ECD: variants seen among roughly 807,000 people sequenced by gnomAD.
The protein encoded by ECD is ecdysoneless cell cycle regulator, also known as protein ecdysoneless homolog.
Under a neutral mutation model 77.2 loss-of-function variants are expected in ECD, and 59 were observed. That is an observed-to-expected ratio of 0.76 (90% CI 0.62 to 0.95). ECD has a LOEUF of 0.95. Among genes scored for constraint, ECD ranks in the 40% least tolerant of loss-of-function variants. The probability of loss-of-function intolerance (pLI) is 0.00; values close to 1 mark genes in which losing one functional copy is unlikely to be tolerated. For missense variants in ECD, 704 were observed against 763.4 expected (o/e 0.92, Z 0.92); for synonymous variants, 233 against 267.4 (o/e 0.87, Z 1.26).
Position 73,134,514 on chromosome 10 carries a change from A to G in ECD, c.*69T>C. The G allele has an allele frequency of 2.9e-6, 4 of 1,392,116 alleles. No individual in the cohort carries two copies. The highest frequency in any genetic ancestry group is 3.9e-6 in the Non-Finnish European group (4 of 1,017,284). 86.2% of individuals were successfully genotyped at this position (1,392,116 alleles called of 1,614,324 possible). On this transcript the variant is annotated 3_prime_UTR_variant, in exon 14 of 14. Transcript: ENST00000372979. Reference sequence around the variant, plus strand: ...AACATTTTTACTAAATGAGTAATCTAAACTAGAAATGAACAGAATCATATT... The same window carrying G: ...AACATTTTTACTAAATGAGTAATCTGAACTAGAAATGAACAGAATCATATT...
chr10:73,167,370 CCTCTTAATTTTCTAAGGGTTTTCCTTAT>C (rs1488293928), intron 1 of ECD, among the ~76,000 whole-genome samples: 1 of 152,002 alleles, frequency 6.6e-6, no homozygotes, highest in Non-Finnish European at 1.5e-5. Flanking sequence ...TGCATTGATA[CCTCTTAATTTTCTAAGGGTTTTCCTTAT>C]CTCTTAATTT....
chr10:73,152,312 T>A lies in ECD; in HGVS notation c.893A>T (p.His298Leu). 6.2e-7 allele frequency: 1 copy of A among 1,613,464 alleles called. No homozygotes were observed. Among genetic ancestry groups the A allele is most frequent in the Non-Finnish European group, 8.5e-7 (1 of 1,179,502 alleles). Residue 298 changes from histidine to leucine, a missense_variant, in exon 7 of 14, where the codon CAT (histidine) becomes CTT (leucine). This residue lies in a region of ECD where 559 missense variants were observed against 583.7 expected (regional missense o/e 0.96). Coordinates refer to ENST00000372979, the MANE Select transcript of ECD (RefSeq NM_007265.3). ...PPPSDPQYRA[H>L]ELGMKLAHGF... ...CATTACCAATTTCATGCCCAATTCA[T>A]GGGCTCGGTACTGGGGATCAGATGG...
intron 12 of ECD, among the ~76,000 whole-genome samples, chr10:73,137,126 C>T (rs1159117715): frequency 2.6e-5 from 4 of 151,342 alleles, no homozygotes; most frequent in Non-Finnish European, 5.9e-5. Context: ...TGTGGAAAAG[C>T]GTACAAGCTG....
intron 7 of ECD, among the ~76,000 whole-genome samples, chr10:73,150,659 A>T (rs1428348884): frequency 1.3e-5 from 2 of 152,240 alleles, no homozygotes; most frequent in Non-Finnish European, 2.9e-5. Context: ...ATCTACAAAG[A>T]ACTTAAACAA....
chr10:73,137,572 G>A (rs1842991326), intron 12 of ECD, among the ~76,000 whole-genome samples: 1 of 151,984 alleles, frequency 6.6e-6, no homozygotes, highest in Non-Finnish European at 1.5e-5. Context: ...TCAGGAGATC[G>A]AGACCATCCT....
intron 11 of ECD, 43 bp downstream of exon 11, chr10:73,139,266 T>G: frequency 6.5e-7 from 1 of 1,528,514 alleles, no homozygotes; most frequent in Non-Finnish European, 8.7e-7. Flanking sequence ...CTTCAACATT[T>G]GGGTTCTAGC....
At chr10:73,158,423 A>G (rs548826063) in intron 3 of ECD, among the ~76,000 whole-genome samples, 52 of 151,950 alleles carry the variant, frequency 3.4e-4, no homozygotes, top group African/African-American at 1.1e-3. Context: ...TAATAAATAT[A>G]TAAAATTTTT....
intron 2 of ECD, 105 bp from the exon 3 acceptor site, chr10:73,160,656 A>C (rs557586032): frequency 2.5e-6 from 2 of 803,568 alleles, no homozygotes; most frequent in Non-Finnish European, 3.9e-6. Context: ...TGATTGCTCT[A>C]AGTACTGGGG....
rs1357967377 is a variant in ECD at position 73,167,976 on chromosome 10, C to A, written c.-124G>T. On this transcript the variant is annotated 5_prime_UTR_variant, in exon 1 of 14. Coordinates refer to ENST00000372979, the MANE Select transcript of ECD (RefSeq NM_007265.3). ...ACCGGCCGCCGAAGCCTGGATCAGG[C>A]TCTGTCCCGACGCCTGACCGGAACC... is the stretch of plus-strand genomic sequence containing the variant. The A allele has an allele frequency of 1.1e-5, 3 of 274,302 alleles. No individual in the cohort carries two copies. Among genetic ancestry groups the A allele is most frequent in the African/African-American group, 2.3e-5 (1 of 43,632 alleles). 17.0% of individuals were successfully genotyped at this position (274,302 alleles called of 1,614,324 possible).
rs146290115 is a variant in ECD at position 73,152,914 on chromosome 10, C to CAAAAA, written c.784-498_784-494dup. The stretch of plus-strand genomic sequence containing the variant: ...TGGGCAACAGAGCAAGACACTGTTG[C>CAAAAA]AAAAAAAATTTTACCCTACTGCCTA... On this transcript the variant is annotated intron_variant, in intron 6 of 13. Coordinates refer to ENST00000372979, the MANE Select transcript of ECD (RefSeq NM_007265.3). Among the ~76,000 whole-genome samples the CAAAAA allele has an allele frequency of 4.7e-5, 7 of 148,854 alleles. No individual in the cohort carries two copies. In the South Asian group the frequency reaches 1.5e-3, roughly 32 times the overall value.
rs375062635 is a variant in ECD, at chr10:73,154,310, C to T, written c.729G>A (p.Leu243=). 1.7e-5 allele frequency: 27 copies of T among 1,613,074 alleles called. No homozygotes were observed. Among genetic ancestry groups the T allele is most frequent in the Non-Finnish European group, 2.1e-5 (25 of 1,179,668 alleles). The part of the protein sequence containing the change: ...QAFYLRDPID[L]RACRVFKTFL... ...ATGTCTTGAAAACACGACAAGCTCG[C>T]AGGTCAATAGGGTCTCGTAGGTAAA... Residue 243 remains leucine (L), a synonymous_variant, in exon 6 of 14, where the codon CTG becomes CTA. Coordinates refer to ENST00000372979, the MANE Select transcript of ECD (RefSeq NM_007265.3).
intron 1 of ECD, among the ~76,000 whole-genome samples, chr10:73,164,741 G>A (rs1001227323): frequency 8.5e-5 from 13 of 152,192 alleles, no homozygotes; most frequent in Middle Eastern, 3.4e-3. Flanking sequence ...AAAGTGCTGG[G>A]GTTATAGGCA....
At chr10:73,151,003 T>C (rs1843194508) in intron 7 of ECD, among the ~76,000 whole-genome samples, 1 of 152,186 alleles carries the variant, frequency 6.6e-6, no homozygotes, top group Non-Finnish European at 1.5e-5. Context: ...AAATACCATT[T>C]GACCCAGCCA....
At chr10:73,152,534 A>AGCTT in intron 6 of ECD, 113 bp from the exon 7 acceptor site, 1 of 1,257,150 alleles carries the variant, frequency 8.0e-7, no homozygotes, top group Non-Finnish European at 1.1e-6. Context: ...ATTCATATGA[A>AGCTT]ATGCAAAGAA....
At chr10:73,143,520 A>G (rs1038742181) in intron 9 of ECD, among the ~76,000 whole-genome samples, 5 of 152,002 alleles carry the variant, frequency 3.3e-5, no homozygotes, top group African/African-American at 1.2e-4. Context: ...CACACGGTAT[A>G]TATTTTATTC....
rs767505500 is a variant in ECD, at chr10:73,156,631, G to T, written c.348C>A (p.Phe116Leu). 6.2e-7 allele frequency: 1 copy of T among 1,613,694 alleles called. No homozygotes were observed. Residue 116 changes from phenylalanine to leucine, a missense_variant, in exon 4 of 14, where the codon TTC (phenylalanine) becomes TTA (leucine). Coordinates refer to ENST00000372979, the MANE Select transcript of ECD (RefSeq NM_007265.3). ...VARIEDNDGE[F>L]LLIEAADFLP... The stretch of plus-strand genomic sequence containing the variant: ...GAAAGTCAGCAGCTTCTATTAACAA[G>T]AATTCACCATCATTGTCTTCAATCC...
intron 3 of ECD, among the ~76,000 whole-genome samples, chr10:73,158,883 A>G (rs1843338191): frequency 1.3e-5 from 2 of 152,218 alleles, no homozygotes; most frequent in South Asian, 4.1e-4. Flanking sequence ...AAAAAACTAA[A>G]TAAATAATAA....
chr10:73,136,060 A>G (rs1183890236), intron 13 of ECD, among the ~76,000 whole-genome samples: 1 of 152,218 alleles, frequency 6.6e-6, no homozygotes, highest in Non-Finnish European at 1.5e-5. Context: ...TGGTTTATAG[A>G]TACATTCACA....
chr10:73,163,312 A>T (rs1589122779), intron 2 of ECD, among the ~76,000 whole-genome samples: 1 of 152,304 alleles, frequency 6.6e-6, no homozygotes, highest in East Asian at 1.9e-4. Flanking sequence ...AGCCACTCAG[A>T]TCCTCACCAA....
Sources: allele counts gnomAD v4.1 joint callset (sites outside exome capture counted in the v4.1 genomes callset), GRCh38; gene constraint gnomAD v4.1.1; regional missense constraint gnomAD v4.1.1; transcripts MANE v1.5; gene names NCBI Gene and HGNC (gene_info 2026-07-23, HGNC 2026-07-21).